The following ROBO1 variants were observed in gnomAD, a reference collection of about 807,000 sequenced individuals.
ROBO1 encodes the protein roundabout homolog 1.
Under a neutral mutation model 195.9 loss-of-function variants are expected in ROBO1, and 149 were observed. That is an observed-to-expected ratio of 0.76 (90% confidence interval 0.67 to 0.87). ROBO1 has a LOEUF of 0.87. Among genes scored for constraint, ROBO1 ranks in the 40% least tolerant of loss-of-function variants. The probability of loss-of-function intolerance (pLI) is 0.00; values close to 1 mark genes in which losing one functional copy is unlikely to be tolerated. For missense variants in ROBO1, 1,933 were observed against 2,068.3 expected, an observed-to-expected ratio of 0.93 and a Z score of 1.27; for synonymous variants, 816 against 733.2, an observed-to-expected ratio of 1.11 and a Z score of -1.82.
At chr3:78,758,703 T>C (rs556892752) in intron 4 of ROBO1, among the ~76,000 whole-genome samples, 214 of 152,280 alleles carry the variant, frequency 1.4e-3, no homozygotes, top group African/African-American at 5.0e-3. Flanking sequence ...CTATTTTTAA[T>C]ATCAGTTCAT....
At chr3:78,641,534 GA>G (rs1280630881) in intron 21 of ROBO1, among the ~76,000 whole-genome samples, 2 of 152,130 alleles carry the variant, frequency 1.3e-5, no homozygotes, top group African/African-American at 4.8e-5. Context: ...TTATAACACA[GA>G]TATCTGGAGC....
At chr3:79,426,657 C>T (rs756639813) in intron 2 of ROBO1, among the ~76,000 whole-genome samples, 12 of 152,138 alleles carry the variant, frequency 7.9e-5, no homozygotes, top group Non-Finnish European at 1.6e-4. Context: ...CGTAAGCCAC[C>T]GTGCCTGGCT....
At chr3:79,568,005 C>T (rs75933815) in intron 2 of ROBO1, among the ~76,000 whole-genome samples, 5 of 152,140 alleles carry the variant, frequency 3.3e-5, no homozygotes, top group Admixed American at 6.5e-5. Flanking sequence ...ACTTCTTCTA[C>T]GGCTAATGAA....
At chr3:79,560,041 C>A (rs1464259103) in intron 2 of ROBO1, among the ~76,000 whole-genome samples, 2 of 152,076 alleles carry the variant, frequency 1.3e-5, no homozygotes, top group Non-Finnish European at 2.9e-5. Context: ...ATACTATTGT[C>A]TTCAGCAATG....
intron 4 of ROBO1, among the ~76,000 whole-genome samples, chr3:78,914,714 T>G (rs1337628190): frequency 1.4e-5 from 2 of 147,392 alleles, no homozygotes; most frequent in East Asian, 2.0e-4. Context: ...GTATATATTT[T>G]ATTTATAATT....
At chr3:79,732,670 C>T (rs1338025266) in intron 1 of ROBO1, among the ~76,000 whole-genome samples, 1 of 152,158 alleles carries the variant, frequency 6.6e-6, no homozygotes, top group Non-Finnish European at 1.5e-5. Context: ...GCACTTTTGG[C>T]ACCCTGTCTT....
intron 2 of ROBO1, among the ~76,000 whole-genome samples, chr3:79,200,449 G>A (rs1197169866): frequency 2.6e-5 from 4 of 151,064 alleles, no homozygotes; most frequent in Non-Finnish European, 5.9e-5. Flanking sequence ...TATGATTCTC[G>A]GTACCTTAAT....
intron 4 of ROBO1, among the ~76,000 whole-genome samples, chr3:78,836,512 C>CAAAAAAAAA (rs370559968): frequency 9.2e-4 from 113 of 122,262 alleles, no homozygotes; most frequent in East Asian, 1.6e-3. Context: ...ACTCTGTCTC[C>CAAAAAAAAA]AAAAAAAAAA....
rs563365474 is a variant in ROBO1, at chr3:79,100,249, C to T, written c.172+25207G>A. ...ATGTTTATGAAATGTCTATTAACTG[C>T]CAGTCACTGTACTGTAATGTGATGG... On this transcript the variant is annotated intron_variant, in intron 3 of 30. Coordinates refer to ENST00000464233, the MANE Select transcript of ROBO1 (RefSeq NM_002941.4). 1.1e-4 allele frequency among the ~76,000 whole-genome samples: 16 copies of T among 151,802 alleles called. No homozygotes were observed. In the East Asian group the frequency reaches 2.7e-3, roughly 26 times the overall value.
At chr3:79,183,985 A>G (rs971900818) in intron 2 of ROBO1, among the ~76,000 whole-genome samples, 1 of 152,232 alleles carries the variant, frequency 6.6e-6, no homozygotes, top group Admixed American at 6.5e-5. Flanking sequence ...TATTATTAAT[A>G]TGTCAGCTAA....
intron 2 of ROBO1, among the ~76,000 whole-genome samples, chr3:79,523,466 T>C (rs991601910): frequency 7.9e-6 from 1 of 126,726 alleles, no homozygotes; most frequent in African/African-American, 3.3e-5. Context: ...TCTTTCTTTT[T>C]TTTTTCTTTT....
chr3:79,659,535 A>G (rs1576190907), intron 1 of ROBO1, among the ~76,000 whole-genome samples: 1 of 152,142 alleles, frequency 6.6e-6, no homozygotes, highest in South Asian at 2.1e-4. Context: ...GCCTATTTTG[A>G]CATACAGTTA....
At position 79,151,232 on chromosome 3, in the gene ROBO1, G is replaced by A. The variant is rs781137342; in HGVS notation, c.89-25693C>T. On this transcript the variant is annotated intron_variant, in intron 2 of 30. Transcript: ENST00000464233. ...TTCCTTTGTAAATTACCCAGTCTCA[G>A]GTGTGTCTTTATTAGCAGCATGAGA... is the stretch of plus-strand genomic sequence containing the variant. Among the ~76,000 whole-genome samples, 20 of 151,764 alleles carry A rather than the reference G, an allele frequency of 1.3e-4. No homozygotes were observed. The East Asian group carries it at 1.6e-3, about 12-fold the overall frequency.
chr3:79,377,732 T>C (rs1212020312), intron 2 of ROBO1, among the ~76,000 whole-genome samples: 1 of 152,244 alleles, frequency 6.6e-6, no homozygotes, highest in Admixed American at 6.5e-5. Context: ...CTGTTCCTGC[T>C]GTATCTCTCT....
At chr3:79,180,791 A>G (rs537723457) in intron 2 of ROBO1, among the ~76,000 whole-genome samples, 2 of 152,222 alleles carry the variant, frequency 1.3e-5, no homozygotes, top group South Asian at 2.1e-4. Flanking sequence ...TGGTCTGAGG[A>G]GTCAACAACA....
In ROBO1 at chr3:78,649,756, T is replaced by C. The variant is rs1312619922; in HGVS notation, c.2812+1976A>G. 2.0e-5 allele frequency among the ~76,000 whole-genome samples: 3 copies of C among 152,180 alleles called. 1 individual carries two copies. The highest frequency in any genetic ancestry group is 4.1e-4 in the South Asian group (2 of 4,832). On this transcript the variant is annotated intron_variant, in intron 19 of 30. Transcript: ENST00000464233. ...AAATTACATTTGTAATTATGTTCTA[T>C]GATTTCTGCTTAAACACAAGCTAAG...
chr3:79,461,133 C>A (rs1937620753), intron 2 of ROBO1, among the ~76,000 whole-genome samples: 1 of 152,122 alleles, frequency 6.6e-6, no homozygotes, highest in African/African-American at 2.4e-5. Flanking sequence ...CAACTTTCAT[C>A]AAGCTAAGTT....
intron 4 of ROBO1, among the ~76,000 whole-genome samples, chr3:78,868,286 A>G (rs1275946486): frequency 1.3e-5 from 2 of 152,120 alleles, no homozygotes; most frequent in Admixed American, 1.3e-4. Flanking sequence ...ATACTCAGTA[A>G]CAAGATTACT....
intron 2 of ROBO1, among the ~76,000 whole-genome samples, chr3:79,272,296 G>C (rs1418206417): frequency 7.9e-5 from 12 of 151,996 alleles, no homozygotes; most frequent in Non-Finnish European, 4.4e-5. Context: ...ATTACTTAAA[G>C]ATTAGGCATA....
Sources: gnomAD v4.1 joint callset for allele counts (sites outside exome capture counted in the v4.1 genomes callset) on GRCh38, gnomAD v4.1.1 for gene constraint, MANE v1.5 for transcripts, NCBI Gene and HGNC (gene_info 2026-07-23, HGNC 2026-07-21) for gene names.